ZNF385A: variants seen among roughly 807,000 people sequenced by gnomAD.
ZNF385A encodes the protein hematopoietic zinc finger protein.
A neutral mutation model predicts 32.1 loss-of-function variants in ZNF385A; 14 were observed. The observed-to-expected ratio is 0.44, with a 90% CI of 0.29 to 0.68. The LOEUF (loss-of-function observed/expected upper bound fraction) is 0.68, where lower values mean the gene tolerates loss of function less well. ZNF385A is among the 30% of genes least tolerant of loss of function. The pLI, the probability that ZNF385A is intolerant of heterozygous loss-of-function variation, is 0.14. For missense variants in ZNF385A, 406 were observed against 478.4 expected (o/e 0.85, Z 1.41); for synonymous variants, 197 against 202.7 (o/e 0.97, Z 0.24).
At position 54,369,544 on chromosome 12, in the gene ZNF385A, AC is replaced by A. The variant is rs2137142844; in HGVS notation, c.*711del. The A allele has an allele frequency of 6.5e-6, 1 of 152,828 alleles. No homozygotes were observed. Among genetic ancestry groups the A allele is most frequent in the East Asian group, 1.9e-4 (1 of 5,146 alleles). The allele number at this position is 152,828 out of a possible 1,614,324, so 9.5% of individuals were successfully genotyped here. On this transcript the variant is annotated 3_prime_UTR_variant, in exon 7 of 7. Transcript: ENST00000394313. ...CTGGACACCCCTTGCCCCCCTCGGT[AC>A]CCCTTGGGCGATGGGTGCTGGTGAA...
At chr12:54,378,359 G>T (rs1426462178) in intron 1 of ZNF385A, among the ~76,000 whole-genome samples, 1 of 152,156 alleles carries the variant, frequency 6.6e-6, no homozygotes, top group East Asian at 1.9e-4. Flanking sequence ...TCTTCCCTGG[G>T]ATGCTGGCTT....
rs1306357485 is a variant in ZNF385A, at chr12:54,370,271, G to A, written c.1086C>T (p.Leu362=). ...AGGGTTGAGGTCAGTACGGGGAGAA[G>A]AGGATGGGTCCGTGCGCAGTTCGGA... The part of the protein sequence containing the change: ...GPIRTAHGPI[L]FSPY The change falls in exon 7 of 7, where the codon CTC becomes CTT. Residue 362 remains leucine, a synonymous_variant. Transcript: ENST00000394313. This position sits in a 1 kb window ranked among gnomAD's most constrained non-coding sequence, Gnocchi z 5.5. 2.0e-6 allele frequency: 3 copies of A among 1,463,888 alleles called. No homozygotes were observed. The highest frequency in any genetic ancestry group is 4.9e-5 in the East Asian group (2 of 41,202). 90.7% of individuals were successfully genotyped at this position (1,463,888 alleles called of 1,614,324 possible). A position where few individuals can be genotyped will look rare whatever the true frequency, so the allele number is the denominator to read the frequency against.
chr12:54,387,395 A>G (rs974448920), upstream of ZNF385A, among the ~76,000 whole-genome samples: 3 of 152,204 alleles, frequency 2.0e-5, no homozygotes, highest in African/African-American at 7.2e-5. Context: ...GGTCCACTCC[A>G]TTCTGAGGTG....
chr12:54,371,785 A>AC lies in ZNF385A; in HGVS notation c.362-71dup, dbSNP rs368760450. The AC allele has an allele frequency of 1.3e-3, 2,020 of 1,577,416 alleles. 4 individuals are homozygous for AC. Among genetic ancestry groups the AC allele is most frequent in the African/African-American group, 6.5e-3 (472 of 72,240 alleles). ...GGAGAAGACTCTTCATGTGGAAGAGACCCCCCCCATTTCCTGGAGGGCAAG... is the reference window on the plus strand; with the variant it reads ...GGAGAAGACTCTTCATGTGGAAGAGACCCCCCCCCATTTCCTGGAGGGCAAG... On this transcript the variant is annotated intron_variant, in intron 3 of 6. Transcript: ENST00000394313.
rs1359772322 is a variant in ZNF385A at position 54,384,577 on chromosome 12, G to T, written c.-63C>A. 6.9e-7 allele frequency: 1 copy of T among 1,448,846 alleles called. No individual in the cohort carries two copies. The highest frequency in any genetic ancestry group is 1.4e-5 in the South Asian group (1 of 69,780). 89.7% of individuals were successfully genotyped at this position (1,448,846 alleles called of 1,614,324 possible). ...CGGCTCAGGCTGCCTGAAGGGCAGA[G>T]AAAACATTCTGTGGGGTAGGAAGAT... On this transcript the variant is annotated 5_prime_UTR_variant, in exon 1 of 7. Transcript: ENST00000394313.
chr12:54,370,071 TC>T lies in ZNF385A; in HGVS notation c.*184del, dbSNP rs959789537. On this transcript the variant is annotated 3_prime_UTR_variant, in exon 7 of 7. Transcript: ENST00000394313. This position sits in a 1 kb window ranked among gnomAD's most constrained non-coding sequence, Gnocchi z 5.5. ...CGGGGTTCCCTGAGATCTGGGGTGT[TC>T]CCCCCCTTCTGAAGCCCCCCTCCCC... is the stretch of plus-strand genomic sequence containing the variant. 1.7e-4 allele frequency: 82 copies of T among 474,292 alleles called. No homozygotes were observed. The highest frequency in any genetic ancestry group is 2.4e-4 in the Non-Finnish European group (65 of 274,388). The allele number at this position is 474,292 out of a possible 1,614,324, so 29.4% of individuals were successfully genotyped here.
intron 3 of ZNF385A, among the ~76,000 whole-genome samples, chr12:54,372,134 G>C (rs1954586538): frequency 6.6e-6 from 1 of 152,258 alleles, no homozygotes; most frequent in Non-Finnish European, 1.5e-5. Flanking sequence ...GGAAGGGGCA[G>C]AGGCAGGGTG....
At chr12:54,385,096 T>A (rs143952738), upstream of ZNF385A, 24 of 169,598 alleles carry the variant, frequency 1.4e-4, no homozygotes, top group Admixed American at 5.2e-4. Context: ...CTAACTATAA[T>A]TCTTTATTAA....
chr12:54,373,482 GA>G (rs61690616), intron 3 of ZNF385A, among the ~76,000 whole-genome samples: 2,155 of 144,120 alleles, frequency 0.015, 24 homozygotes, highest in African/African-American at 0.034. Context: ...CTATTTCCCA[GA>G]AAAAAAAAAA....
upstream of ZNF385A, among the ~76,000 whole-genome samples, chr12:54,386,541 C>A (rs1955491619): frequency 6.6e-6 from 1 of 152,148 alleles, no homozygotes; most frequent in Non-Finnish European, 1.5e-5. Context: ...TGTGCCCCAC[C>A]CTCCCTTACT....
chr12:54,372,654 T>C (rs1487994969), intron 3 of ZNF385A, among the ~76,000 whole-genome samples: 1 of 152,130 alleles, frequency 6.6e-6, no homozygotes, highest in Non-Finnish European at 1.5e-5. Context: ...GCTATCACCA[T>C]CATCATCATC....
At chr12:54,371,891 G>A (rs1462437292) in intron 3 of ZNF385A, among the ~76,000 whole-genome samples, 176 bp from the exon 4 acceptor site, 4 of 152,234 alleles carry the variant, frequency 2.6e-5, no homozygotes, top group African/African-American at 9.6e-5. Flanking sequence ...GCTGCCGCAG[G>A]CTGGGTGTGA....
In ZNF385A at chr12:54,371,024, G is replaced by A. The variant is rs773719335; in HGVS notation, c.677C>T (p.Pro226Leu). The change falls in exon 5 of 7, where the codon CCT becomes CTT. Residue 226 changes from proline to leucine, a missense_variant. Coordinates refer to ENST00000394313, the MANE Select transcript of ZNF385A (RefSeq NM_015481.3). The stretch of plus-strand genomic sequence containing the variant: ...AGCCTCTGGTTCCCCCGGGGTGGGA[G>A]GCCCCAGCCGAGGGTAAGCTTTGAT... ...GPIKAYPRLG[P>L]PTPGEPEAPA... The A allele has an allele frequency of 1.5e-5, 24 of 1,614,078 alleles. No individual in the cohort carries two copies. The highest frequency in any genetic ancestry group is 1.9e-5 in the Non-Finnish European group (23 of 1,180,026).
chr12:54,373,874 G>A, intron 3 of ZNF385A, 99 bp downstream of exon 3: 1 of 1,317,712 alleles, frequency 7.6e-7, no homozygotes, highest in Non-Finnish European at 1.0e-6. Context: ...TATAGGGACT[G>A]AGGAAGAGAG....
At chr12:54,390,747 A>G (rs1461435891) in intron 1 of ZNF385A, among the ~76,000 whole-genome samples, 1 of 151,222 alleles carries the variant, frequency 6.6e-6, no homozygotes, top group Non-Finnish European at 1.5e-5. Context: ...CTCACCTCGA[A>G]GCTACACCCA....
chr12:54,379,657 G>A (rs989898310), intron 1 of ZNF385A, among the ~76,000 whole-genome samples: 1 of 152,068 alleles, frequency 6.6e-6, no homozygotes, highest in Non-Finnish European at 1.5e-5. Context: ...AACTGAACCC[G>A]GGTACCCAGG....
At chr12:54,383,385 A>G (rs1232913935) in intron 1 of ZNF385A, among the ~76,000 whole-genome samples, 1 of 151,734 alleles carries the variant, frequency 6.6e-6, no homozygotes, top group Non-Finnish European at 1.5e-5. Context: ...TGGCCTGTCA[A>G]TATTTCCTTG....
upstream of ZNF385A, among the ~76,000 whole-genome samples, chr12:54,388,046 AGTGT>A (rs10665764): frequency 0.018 from 2,530 of 140,468 alleles, 52 homozygotes; most frequent in African/African-American, 0.048. Flanking sequence ...AGTGTGTGTA[AGTGT>A]GTGTGTGTGT....
upstream of ZNF385A, among the ~76,000 whole-genome samples, chr12:54,388,237 A>G (rs539988376): frequency 1.3e-5 from 2 of 152,258 alleles, no homozygotes; most frequent in African/African-American, 4.8e-5. Flanking sequence ...AGCTCCCAAC[A>G]TGATTTAGAG....
Sources: gnomAD v4.1 joint callset for allele counts (sites outside exome capture counted in the v4.1 genomes callset) on GRCh38, gnomAD v4.1.1 for gene constraint, Gnocchi (gnomAD v3.1) non-coding constraint, MANE v1.5 for transcripts, NCBI Gene and HGNC (gene_info 2026-07-23, HGNC 2026-07-21) for gene names.